ABTB2: variants seen among roughly 807,000 people sequenced by gnomAD.
ABTB2 encodes the protein ankyrin repeat and BTB/POZ domain-containing protein 2.
ABTB2 carries 56 observed loss-of-function variants against 104.1 expected under a neutral mutation model. The ratio of observed to expected loss-of-function variants is 0.54; its 90% CI spans 0.43 to 0.67. The LOEUF (loss-of-function observed/expected upper bound fraction) is 0.67. Among genes scored for constraint, ABTB2 ranks in the 30% least tolerant of loss-of-function variants. The probability of loss-of-function intolerance (pLI) is 0.00; values close to 1 mark genes in which losing one functional copy is unlikely to be tolerated. For missense variants in ABTB2, 1,279 were observed against 1,407.7 expected, an observed-to-expected ratio of 0.91 and a Z score of 1.46; for synonymous variants, 606 against 608.2, an observed-to-expected ratio of 1.00 and a Z score of 0.05.
chr11:34,235,715 C>T (rs1442098680), intron 1 of ABTB2, among the ~76,000 whole-genome samples: 4 of 152,198 alleles, frequency 2.6e-5, no homozygotes, highest in Non-Finnish European at 4.4e-5. Flanking sequence ...ACTGCTGACA[C>T]CACTCCTATG....
intron 1 of ABTB2, among the ~76,000 whole-genome samples, chr11:34,208,315 T>C (rs1853434727): frequency 6.6e-6 from 1 of 152,218 alleles, no homozygotes. Flanking sequence ...AAATTCTTCC[T>C]TTCTGTCATG....
chr11:34,240,229 C>T (rs945953597), intron 1 of ABTB2, among the ~76,000 whole-genome samples: 1 of 152,200 alleles, frequency 6.6e-6, no homozygotes, highest in Non-Finnish European at 1.5e-5. Context: ...AAAGAATGCC[C>T]TCCTTCCCAC....
chr11:34,342,269 C>T (rs542535070), intron 1 of ABTB2, among the ~76,000 whole-genome samples: 38 of 152,360 alleles, frequency 2.5e-4, no homozygotes, highest in African/African-American at 9.1e-4. Context: ...CCCCACAGTT[C>T]TCAGGCGCAG....
At chr11:34,217,650 C>CG (rs1419877984) in intron 1 of ABTB2, among the ~76,000 whole-genome samples, 3 of 152,014 alleles carry the variant, frequency 2.0e-5, no homozygotes, top group East Asian at 3.9e-4. Context: ...TTAGTAGAGA[C>CG]GGGGTTTCTC....
At chr11:34,272,302 CAAA>C (rs60997940) in intron 1 of ABTB2, among the ~76,000 whole-genome samples, 2 of 80,764 alleles carry the variant, frequency 2.5e-5, no homozygotes, top group African/African-American at 7.6e-5. Flanking sequence ...CAGGAAGCTG[CAAA>C]AAAAAAAAAA....
At chr11:34,350,002 T>C (rs575269569) in intron 1 of ABTB2, among the ~76,000 whole-genome samples, 1 of 152,206 alleles carries the variant, frequency 6.6e-6, no homozygotes, top group Admixed American at 6.5e-5. Context: ...GGGCACTGAG[T>C]ATGCATAAGG....
At chr11:34,290,798 T>C (rs1486755270) in intron 1 of ABTB2, among the ~76,000 whole-genome samples, 3 of 152,230 alleles carry the variant, frequency 2.0e-5, no homozygotes, top group Non-Finnish European at 4.4e-5. Flanking sequence ...TGAACACGGA[T>C]GGATAAGTGT....
At chr11:34,279,787 CTTTT>C (rs397849748) in intron 1 of ABTB2, among the ~76,000 whole-genome samples, 1 of 129,560 alleles carries the variant, frequency 7.7e-6, no homozygotes, top group African/African-American at 2.9e-5. Context: ...CTTTCTTCTT[CTTTT>C]TTTTTTTTTT....
chr11:34,207,106 A>G, intron 1 of ABTB2, among the ~76,000 whole-genome samples: 1 of 152,250 alleles, frequency 6.6e-6, no homozygotes, highest in Non-Finnish European at 1.5e-5. Context: ...GCTTTAAAAC[A>G]AGTAAAACAA....
chr11:34,182,502 G>A (rs6484699), intron 3 of ABTB2, among the ~76,000 whole-genome samples: 2 of 129,252 alleles, frequency 1.5e-5, no homozygotes, highest in Non-Finnish European at 3.3e-5. Flanking sequence ...TTCTCTGGGG[G>A]GGGGGGGAAA....
intron 1 of ABTB2, among the ~76,000 whole-genome samples, chr11:34,220,879 G>A (rs1361706175): frequency 6.6e-6 from 1 of 152,058 alleles, no homozygotes. Context: ...GCAGGGGTTG[G>A]TTTCTCATGA....
intron 3 of ABTB2, among the ~76,000 whole-genome samples, chr11:34,196,281 C>G (rs574252303): frequency 6.6e-6 from 1 of 152,204 alleles, no homozygotes; most frequent in East Asian, 1.9e-4. Context: ...AGACCGGGCG[C>G]GGTGGCTCAC....
chr11:34,286,275 C>T (rs748259517), intron 1 of ABTB2, among the ~76,000 whole-genome samples: 6 of 151,676 alleles, frequency 4.0e-5, no homozygotes, highest in East Asian at 1.9e-4. Context: ...CTGGGCATCA[C>T]GGTGAGACCC....
At chr11:34,161,813 G>A (rs150615676) in intron 10 of ABTB2, among the ~76,000 whole-genome samples, 20 of 152,310 alleles carry the variant, frequency 1.3e-4, no homozygotes, top group African/African-American at 3.4e-4. Context: ...ATTCCCCAGC[G>A]ACACATTGAC....
chr11:34,331,306 G>A (rs1029330554), intron 1 of ABTB2, among the ~76,000 whole-genome samples: 2 of 152,138 alleles, frequency 1.3e-5, no homozygotes, highest in Non-Finnish European at 2.9e-5. Flanking sequence ...GCTTAACGCG[G>A]AAAAAATTAA....
chr11:34,209,255 G>C (rs1853446108), intron 1 of ABTB2, among the ~76,000 whole-genome samples: 1 of 151,830 alleles, frequency 6.6e-6, no homozygotes, highest in Non-Finnish European at 1.5e-5. Flanking sequence ...CTGAGGTGAG[G>C]GAGAATTACT....
intron 1 of ABTB2, among the ~76,000 whole-genome samples, chr11:34,241,420 G>A (rs1270235441): frequency 6.6e-6 from 1 of 152,150 alleles, no homozygotes; most frequent in Non-Finnish European, 1.5e-5. Context: ...CCAGCCAGAG[G>A]ACATCTCTGT....
At position 34,152,555 on chromosome 11, in the gene ABTB2, G is replaced by C. The variant is rs1221137193; in HGVS notation, c.2910C>G (p.Phe970Leu). ...TGTGCTTGAGGAAGAAGCCCTCACA[G>C]AACAGGGCCAGTTCTGGGGCATTGT... is the stretch of plus-strand genomic sequence containing the variant. ...KIHNAPELAL[F>L]CEGFFLKHMK... The change falls in exon 17 of 17, where the codon TTC (phenylalanine) becomes TTG (leucine). Residue 970 changes from phenylalanine to leucine, a missense_variant. Physicochemically the swap from Phe to Leu is conservative, Grantham distance 22. Transcript: ENST00000435224. The C allele has an allele frequency of 6.2e-7, 1 of 1,612,922 alleles. No individual in the cohort carries two copies. Among genetic ancestry groups the C allele is most frequent in the Admixed American group, 1.7e-5 (1 of 59,914 alleles).
intron 1 of ABTB2, among the ~76,000 whole-genome samples, chr11:34,283,492 A>G (rs1854471780): frequency 6.6e-6 from 1 of 152,232 alleles, no homozygotes; most frequent in African/African-American, 2.4e-5. Flanking sequence ...CTGGGATTAT[A>G]GGTGTGAGCC....
Sources: gnomAD v4.1 joint callset for allele counts (sites outside exome capture counted in the v4.1 genomes callset) on GRCh38, gnomAD v4.1.1 for gene constraint, MANE v1.5 for transcripts, NCBI Gene and HGNC (gene_info 2026-07-23, HGNC 2026-07-21) for gene names.